ABCA13: variants seen among roughly 807,000 people sequenced by gnomAD.
ABCA13 encodes ATP binding cassette subfamily A member 13, also known as ATP-binding cassette sub-family A member 13.
In ABCA13, 476 loss-of-function variants were observed where a neutral mutation model predicts 478.7. The ratio of observed to expected loss-of-function variants is 0.99; its 90% CI spans 0.92 to 1.07. The LOEUF (loss-of-function observed/expected upper bound fraction) is 1.07, where lower values mean the gene tolerates loss of function less well. Ranked by LOEUF, ABCA13 falls within the 50% of genes least tolerant of loss-of-function variation. The pLI is 0.00. For synonymous variants in ABCA13, 2,252 were observed against 2,158.9 expected (o/e 1.04, Z -1.20); for missense variants, 6,060 against 5,910.6 (o/e 1.03, Z -0.83).
chr7:48,194,003 A>G (rs1243857279), intron 2 of ABCA13, among the ~76,000 whole-genome samples: 9 of 86,470 alleles, frequency 1.0e-4, no homozygotes, highest in African/African-American at 1.3e-4. Flanking sequence ...TAGTGATGAT[A>G]GCGATGAAAT....
chr7:48,535,967 A>G (rs985967718), intron 55 of ABCA13, among the ~76,000 whole-genome samples: 3 of 152,174 alleles, frequency 2.0e-5, no homozygotes, highest in Non-Finnish European at 4.4e-5. Flanking sequence ...AAATGGACTC[A>G]TGGTTTTCCG....
chr7:48,554,615 T>C (rs1040743041), intron 55 of ABCA13, among the ~76,000 whole-genome samples: 1 of 151,774 alleles, frequency 6.6e-6, no homozygotes, highest in Admixed American at 6.6e-5. Context: ...TCTTGATTTC[T>C]TTTTCAGATT....
At chr7:48,365,234 A>G (rs1005948237) in intron 31 of ABCA13, among the ~76,000 whole-genome samples, 8 of 152,036 alleles carry the variant, frequency 5.3e-5, no homozygotes, top group African/African-American at 1.7e-4. Flanking sequence ...ATTGAGTCAG[A>G]TCTTTTGCCT....
chr7:48,626,038 T>G (rs1275378056), intron 59 of ABCA13, among the ~76,000 whole-genome samples: 1 of 152,196 alleles, frequency 6.6e-6, no homozygotes, highest in Non-Finnish European at 1.5e-5. Flanking sequence ...TGATAATTGT[T>G]CTAAGAGACT....
chr7:48,547,389 A>G (rs1233420459), intron 55 of ABCA13, among the ~76,000 whole-genome samples: 2 of 151,940 alleles, frequency 1.3e-5, no homozygotes, highest in Non-Finnish European at 2.9e-5. Flanking sequence ...ATTCTGTGAA[A>G]GAAAATGCTG....
At position 48,544,129 on chromosome 7, in the gene ABCA13, C is replaced by T. The variant is rs1372779269; in HGVS notation, c.14354+15784C>T. Among the ~76,000 whole-genome samples, 3 of 151,462 alleles carry T rather than the reference C, an allele frequency of 2.0e-5. 1 individual carries two copies. Among genetic ancestry groups the T allele is most frequent in the Non-Finnish European group, 4.4e-5 (3 of 67,774 alleles). On this transcript the variant is annotated intron_variant, in intron 55 of 61. Transcript: ENST00000435803. ...GATTAGCATAACTTGAAAATGCTCT[C>T]ATTACTAGATAAGAATTATCTAAAA...
chr7:48,418,208 G>A (rs1038883379), intron 41 of ABCA13, among the ~76,000 whole-genome samples: 1 of 152,198 alleles, frequency 6.6e-6, no homozygotes, highest in African/African-American at 2.4e-5. Context: ...ACCTAAGACT[G>A]CAACTGCTGT....
chr7:48,478,099 G>T (rs886846168), intron 45 of ABCA13, among the ~76,000 whole-genome samples: 11 of 151,014 alleles, frequency 7.3e-5, no homozygotes, highest in African/African-American at 2.4e-4. Context: ...GTTCATCAAG[G>T]TTGGCTGATT....
chr7:48,496,872 A>C (rs1301745013), intron 48 of ABCA13, among the ~76,000 whole-genome samples: 2 of 151,492 alleles, frequency 1.3e-5, no homozygotes. Flanking sequence ...TTGACTTATT[A>C]GTTTCTAGAA....
intron 42 of ABCA13, among the ~76,000 whole-genome samples, chr7:48,436,163 AT>A (rs1822803774): frequency 6.6e-6 from 1 of 151,262 alleles, no homozygotes; most frequent in Admixed American, 6.6e-5. Context: ...TTTTATTTTT[AT>A]TTTTTGGTGG....
At chr7:48,435,740 G>T (rs1001948171) in intron 42 of ABCA13, among the ~76,000 whole-genome samples, 1 of 151,512 alleles carries the variant, frequency 6.6e-6, no homozygotes, top group Non-Finnish European at 1.5e-5. Context: ...GCTGAATTTT[G>T]TAAAAGTTCT....
At chr7:48,309,902 G>T in intron 23 of ABCA13, 45 bp from the exon 24 acceptor site, 4 of 1,602,722 alleles carry the variant, frequency 2.5e-6, no homozygotes, top group Non-Finnish European at 3.4e-6. Flanking sequence ...TGAAGCACAT[G>T]ACGTCATAGG....
intron 44 of ABCA13, among the ~76,000 whole-genome samples, chr7:48,468,143 G>A (rs1827088329): frequency 7.3e-6 from 1 of 137,446 alleles, no homozygotes; most frequent in Admixed American, 7.2e-5. Context: ...CTTTTATCTA[G>A]TCCTTCTCCT....
At chr7:48,277,198 A>C (rs977952542) in intron 17 of ABCA13, among the ~76,000 whole-genome samples, 1 of 152,200 alleles carries the variant, frequency 6.6e-6, no homozygotes, top group African/African-American at 2.4e-5. Flanking sequence ...GTAAGTCTGC[A>C]ATCAGTAGGG....
intron 56 of ABCA13, 46 bp downstream of exon 56, chr7:48,580,420 T>C: frequency 6.3e-7 from 1 of 1,578,758 alleles, no homozygotes; most frequent in East Asian, 2.3e-5. Flanking sequence ...CATTGAGGAA[T>C]GCTTGGTGAC....
At chr7:48,624,703 G>A (rs2131608152) in intron 59 of ABCA13, among the ~76,000 whole-genome samples, 1 of 152,030 alleles carries the variant, frequency 6.6e-6, no homozygotes, top group South Asian at 2.1e-4. Flanking sequence ...TTACAGGCAT[G>A]CACCACCATG....
intron 1 of ABCA13, among the ~76,000 whole-genome samples, chr7:48,186,384 ATTT>A (rs1796354395): frequency 2.6e-5 from 4 of 151,986 alleles, no homozygotes; most frequent in Non-Finnish European, 5.9e-5. Flanking sequence ...CTGGGTTCTT[ATTT>A]TTGATGAGTC....
intron 42 of ABCA13, among the ~76,000 whole-genome samples, chr7:48,437,364 T>C (rs1021593204): frequency 2.6e-5 from 4 of 152,154 alleles, no homozygotes; most frequent in African/African-American, 9.6e-5. Flanking sequence ...ACTATTTGCA[T>C]GAAATGGCTT....
At chr7:48,205,772 T>A (rs1476742204) in intron 3 of ABCA13, among the ~76,000 whole-genome samples, 3 of 152,250 alleles carry the variant, frequency 2.0e-5, no homozygotes, top group Admixed American at 2.0e-4. Flanking sequence ...TACTTCCTTG[T>A]TACTTTATAT....
Sources: gnomAD v4.1 joint callset for allele counts (sites outside exome capture counted in the v4.1 genomes callset) on GRCh38, gnomAD v4.1.1 for gene constraint, MANE v1.5 for transcripts, NCBI Gene and HGNC (gene_info 2026-07-23, HGNC 2026-07-21) for gene names.